The following MAP3K7CL variants were observed in gnomAD, a reference collection of about 807,000 sequenced individuals.
The protein encoded by MAP3K7CL is MAP3K7 C-terminal-like protein.
In MAP3K7CL, 16 loss-of-function variants were observed where a neutral mutation model predicts 18.6. The observed-to-expected ratio is 0.86, with a 90% CI of 0.58 to 1.31. The LOEUF (loss-of-function observed/expected upper bound fraction) is 1.31, where lower values mean the gene tolerates loss of function less well. Among genes scored for constraint, MAP3K7CL ranks in the 50% most tolerant of loss-of-function variants. The pLI is 0.00. For synonymous variants in MAP3K7CL, 65 were observed against 66.8 expected, an observed-to-expected ratio of 0.97 and a Z score of 0.13; for missense variants, 163 against 174.4, an observed-to-expected ratio of 0.93 and a Z score of 0.37.
At chr21:29,146,521 A>G (rs1201361332) in intron 2 of MAP3K7CL, among the ~76,000 whole-genome samples, 1 of 152,202 alleles carries the variant, frequency 6.6e-6, no homozygotes. Flanking sequence ...AGTAATTGGC[A>G]GAATTTGTCA....
chr21:29,085,944 C>G (rs913832966), intron 1 of MAP3K7CL: 1 of 1,613,056 alleles, frequency 6.2e-7, no homozygotes, highest in Middle Eastern at 1.6e-4. Context: ...CCAACCCCTT[C>G]CTGTAAAACT....
intron 4 of MAP3K7CL, among the ~76,000 whole-genome samples, chr21:29,106,905 G>A (rs1489214031): frequency 1.3e-5 from 2 of 152,154 alleles, no homozygotes; most frequent in African/African-American, 4.8e-5. Context: ...TGATAGCTTT[G>A]TCCAATTCTG....
chr21:29,088,516 C>T (rs1324608194), intron 1 of MAP3K7CL, among the ~76,000 whole-genome samples: 1 of 152,146 alleles, frequency 6.6e-6, no homozygotes, highest in Non-Finnish European at 1.5e-5. Flanking sequence ...TTTAATTTAA[C>T]CACGCTAGTT....
At chr21:29,146,821 T>C (rs749250845) in intron 2 of MAP3K7CL, among the ~76,000 whole-genome samples, 8 of 152,264 alleles carry the variant, frequency 5.3e-5, no homozygotes, top group Non-Finnish European at 8.8e-5. Context: ...TATTAAGTGA[T>C]ATGACCCTTG....
chr21:29,103,318 A>G (rs1343958837), intron 4 of MAP3K7CL, among the ~76,000 whole-genome samples: 1 of 152,236 alleles, frequency 6.6e-6, no homozygotes, highest in Non-Finnish European at 1.5e-5. Flanking sequence ...ATGGCTGGGC[A>G]TGGTGGCTCA....
intron 4 of MAP3K7CL, among the ~76,000 whole-genome samples, chr21:29,100,977 G>C (rs2086219149): frequency 6.6e-6 from 1 of 150,984 alleles, no homozygotes; most frequent in African/African-American, 2.4e-5. Flanking sequence ...CTCCCAAAGT[G>C]CTGGGATTAC....
chr21:29,130,588 TC>T, upstream of MAP3K7CL: 6 of 985,456 alleles, frequency 6.1e-6, 1 homozygote, highest in South Asian at 2.8e-4. Context: ...TTGCTGTTTA[TC>T]AATGCCTCTG....
At chr21:29,137,518 C>T (rs1431613821) in intron 2 of MAP3K7CL, among the ~76,000 whole-genome samples, 1 of 152,092 alleles carries the variant, frequency 6.6e-6, no homozygotes, top group African/African-American at 2.4e-5. Flanking sequence ...AGGACAGATG[C>T]CATTCCTGGG....
chr21:29,086,449 C>A (rs1049458345), intron 1 of MAP3K7CL, among the ~76,000 whole-genome samples: 1 of 152,118 alleles, frequency 6.6e-6, no homozygotes, highest in Admixed American at 6.5e-5. Context: ...AACAGAAAGT[C>A]CGCTTACCTG....
At chr21:29,121,681 C>G (rs1022106450) in intron 4 of MAP3K7CL, among the ~76,000 whole-genome samples, 1 of 151,836 alleles carries the variant, frequency 6.6e-6, no homozygotes, top group Admixed American at 6.6e-5. Context: ...TTTAGAAATA[C>G]TTCAATGAGT....
intron 2 of MAP3K7CL, among the ~76,000 whole-genome samples, chr21:29,137,372 A>G (rs746134251): frequency 2.0e-5 from 3 of 152,184 alleles, no homozygotes; most frequent in Non-Finnish European, 4.4e-5. Flanking sequence ...AGAGAACAGC[A>G]TGACCTCCTA....
intron 4 of MAP3K7CL, chr21:29,109,168 C>T (rs1218502950): frequency 2.1e-5 from 33 of 1,535,298 alleles, no homozygotes; most frequent in Non-Finnish European, 2.5e-5. Context: ...GCCCTTTCCA[C>T]CAGTGCGGAC....
upstream of MAP3K7CL, among the ~76,000 whole-genome samples, chr21:29,081,258 G>C (rs1247681170): frequency 6.6e-6 from 1 of 152,168 alleles, no homozygotes; most frequent in Non-Finnish European, 1.5e-5. Context: ...TATTAAAATT[G>C]TTTATGGTCA....
At position 29,154,243 on chromosome 21, in the gene MAP3K7CL, T is replaced by C. The variant is rs567570278; in HGVS notation, c.132+4993T>C. Reference sequence around the variant, plus strand: ...TAAATTTCATTCTCTGGTGAAATTATTTATTGAATGAAATACTTAAGAATA... The same window carrying C: ...TAAATTTCATTCTCTGGTGAAATTACTTATTGAATGAAATACTTAAGAATA... On this transcript the variant is annotated intron_variant, in intron 3 of 4. Coordinates refer to ENST00000399928, the MANE Select transcript of MAP3K7CL (RefSeq NM_001286620.2). Among the ~76,000 whole-genome samples, 304 of 152,364 alleles carry C rather than the reference T, an allele frequency of 2.0e-3. 1 individual carries two copies. The highest frequency in any genetic ancestry group is 3.4e-3 in the Non-Finnish European group (232 of 68,034).
chr21:29,093,091 A>G (rs2086058072), intron 4 of MAP3K7CL, among the ~76,000 whole-genome samples: 2 of 152,286 alleles, frequency 1.3e-5, no homozygotes, highest in South Asian at 2.1e-4. Flanking sequence ...TTTAGTAGAG[A>G]TGGGGTTTCA....
At chr21:29,172,297 T>A (rs1331675866) in intron 4 of MAP3K7CL, among the ~76,000 whole-genome samples, 1 of 150,200 alleles carries the variant, frequency 6.7e-6, no homozygotes, top group Non-Finnish European at 1.5e-5. Context: ...TTAACATTTT[T>A]AAAGATACAG....
intron 3 of MAP3K7CL, among the ~76,000 whole-genome samples, chr21:29,157,617 A>G (rs994851788): frequency 6.6e-6 from 1 of 152,246 alleles, no homozygotes; most frequent in African/African-American, 2.4e-5. Flanking sequence ...TGCTGAAAGC[A>G]CGTGTGGATA....
At chr21:29,078,260 C>A (rs2085781132) in intron 1 of MAP3K7CL, among the ~76,000 whole-genome samples, 1 of 151,970 alleles carries the variant, frequency 6.6e-6, no homozygotes, top group Non-Finnish European at 1.5e-5. Flanking sequence ...GAGTCTGACT[C>A]ATTTTGTGTT....
chr21:29,077,780 A>G (rs1005690843), intron 1 of MAP3K7CL: 5 of 152,352 alleles, frequency 3.3e-5, no homozygotes, highest in Non-Finnish European at 7.3e-5. Context: ...CAAAGCAATC[A>G]AGAGGGTTTT....
Sources: allele counts gnomAD v4.1 joint callset (sites outside exome capture counted in the v4.1 genomes callset), GRCh38; gene constraint gnomAD v4.1.1; transcripts MANE v1.5; gene names NCBI Gene and HGNC (gene_info 2026-07-23, HGNC 2026-07-21).